Variants in DCHS2 observed in about 807,000 individuals in gnomAD.
DCHS2 encodes protocadherin-23.
DCHS2 carries 142 observed loss-of-function variants against 182.4 expected under a neutral mutation model. That is an observed-to-expected ratio of 0.78 (90% CI 0.68 to 0.89). The LOEUF is 0.89. Ranked by LOEUF, DCHS2 falls within the 40% of genes least tolerant of loss-of-function variation. The pLI, the probability that DCHS2 is intolerant of heterozygous loss-of-function variation, is 0.00. For missense variants in DCHS2, 4,319 were observed against 4,198.6 expected (o/e 1.03, Z -0.79); for synonymous variants, 1,740 against 1,663.3 (o/e 1.05, Z -1.12).
intron 13 of DCHS2, among the ~76,000 whole-genome samples, chr4:154,291,456 A>G (rs1489570691): frequency 6.6e-6 from 1 of 152,190 alleles, no homozygotes; most frequent in African/African-American, 2.4e-5. Context: ...TATATACTTA[A>G]AAGAGAGAAA....
intron 1 of DCHS2, among the ~76,000 whole-genome samples, chr4:154,379,274 G>A (rs1348022612): frequency 6.6e-6 from 1 of 152,192 alleles, no homozygotes; most frequent in Non-Finnish European, 1.5e-5. Flanking sequence ...GATGGAAGAG[G>A]CATTCTGGCT....
intron 1 of DCHS2, among the ~76,000 whole-genome samples, chr4:154,464,656 T>C (rs1313650112): frequency 6.6e-6 from 1 of 152,144 alleles, no homozygotes; most frequent in Non-Finnish European, 1.5e-5. Context: ...TCTAGGTAAA[T>C]ACAAATTTGA....
chr4:154,481,809 CAG>C lies in DCHS2; in HGVS notation c.2052+7493_2052+7494del, dbSNP rs932647106. 4.0e-4 allele frequency among the ~76,000 whole-genome samples: 61 copies of C among 152,304 alleles called. 1 individual carries two copies. Among genetic ancestry groups the C allele is most frequent in the African/African-American group, 1.3e-3 (56 of 41,564 alleles). On this transcript the variant is annotated intron_variant, in intron 1 of 19. Transcript: ENST00000357232. ...TACTTGAGGTTAAGCTATTAAGTAACAGAGCTGAAATTTAAACTTGGGTATGT... is the reference window on the plus strand; with the variant it reads ...TACTTGAGGTTAAGCTATTAAGTAACAGCTGAAATTTAAACTTGGGTATGT...
At chr4:154,362,805 G>C (rs965962007) in intron 3 of DCHS2, among the ~76,000 whole-genome samples, 1 of 152,012 alleles carries the variant, frequency 6.6e-6, no homozygotes, top group East Asian at 1.9e-4. Flanking sequence ...TTTACTTAAT[G>C]AATAGTAAAT....
chr4:154,240,573 A>G lies in DCHS2; in HGVS notation c.7323T>C (p.Asn2441=). Residue 2441 remains asparagine (N), a synonymous_variant, in exon 18 of 20, where the codon AAT becomes AAC. Coordinates refer to ENST00000357232, the MANE Select transcript of DCHS2 (RefSeq NM_001358235.2). The part of the protein sequence containing the change: ...GALVVRVLDV[N]DNPPVFSQDF... ...CTTGAGAAAACACTGGTGGATTATC[A>G]TTGACATCCAGCACACGGACTACAA... 1 of 1,613,810 alleles carries G rather than the reference A, an allele frequency of 6.2e-7. No homozygotes were observed. The highest frequency in any genetic ancestry group is 2.2e-5 in the East Asian group (1 of 44,820).
intron 1 of DCHS2, among the ~76,000 whole-genome samples, chr4:154,453,584 A>C (rs570142268): frequency 6.6e-6 from 1 of 152,252 alleles, no homozygotes; most frequent in Admixed American, 6.5e-5. Flanking sequence ...TCTGCTGGGC[A>C]GTCTTTGCTG....
rs777892302 is a variant in DCHS2 at position 154,320,466 on chromosome 4, C to A, written c.4933G>T (p.Asp1645Tyr). 2.5e-6 allele frequency: 4 copies of A among 1,613,974 alleles called. No individual in the cohort carries two copies. In the African/African-American group the frequency reaches 5.3e-5, roughly 22 times the overall value. ...TTTCCATTCCTTCCTTCGTCTGGATCGTGAGCAGTTATGTGGTGGACCAAG... is the reference window on the plus strand; with the variant it reads ...TTTCCATTCCTTCCTTCGTCTGGATAGTGAGCAGTTATGTGGTGGACCAAG... ...GSLVHHITAH[D>Y]PDEGRNGKVT... The change falls in exon 9 of 20, where the codon GAT (aspartate) becomes TAT (tyrosine). Residue 1645 changes from aspartate to tyrosine, a missense_variant. Asp to Tyr is a radical substitution (Grantham distance 160). Coordinates refer to ENST00000357232, the MANE Select transcript of DCHS2 (RefSeq NM_001358235.2).
rs186221604 is a variant in DCHS2 at position 154,275,884 on chromosome 4, T to C, written c.6464-5871A>G. The stretch of plus-strand genomic sequence containing the variant: ...CATGGCCTCTCTCATAAAGGAACAA[T>C]CCTATTTTTGTTGCAAATCAAATTT... On this transcript the variant is annotated intron_variant, in intron 13 of 19. Coordinates refer to ENST00000357232, the MANE Select transcript of DCHS2 (RefSeq NM_001358235.2). Among the ~76,000 whole-genome samples the C allele has an allele frequency of 1.7e-4, 26 of 152,210 alleles. No homozygotes were observed. The East Asian group carries it at 4.8e-3, about 28-fold the overall frequency.
chr4:154,346,803 T>C (rs933520360), intron 3 of DCHS2, among the ~76,000 whole-genome samples: 7 of 151,920 alleles, frequency 4.6e-5, no homozygotes, highest in Non-Finnish European at 1.5e-5. Flanking sequence ...TATTTAACTG[T>C]ACTCATTTGC....
At position 154,304,827 on chromosome 4, in the gene DCHS2, A is replaced by C. The variant is rs1257888273; in HGVS notation, c.5447T>G (p.Leu1816Arg). 13 of 1,613,870 alleles carry C rather than the reference A, an allele frequency of 8.1e-6. No individual in the cohort carries two copies. The highest frequency in any genetic ancestry group is 1.1e-5 in the Non-Finnish European group (13 of 1,179,908). The change falls in exon 12 of 20, where the codon CTC becomes CGC. Residue 1816 changes from leucine to arginine, a missense_variant. Transcript: ENST00000357232. ...FPSLSSTTTI[L>R]CTVEDENDHA... Reference sequence around the variant, plus strand: ...ATCGTTTTCATCTTCAACAGTGCAGAGGATTGTTGTGGTGCTGGACAATGA... The same window carrying C: ...ATCGTTTTCATCTTCAACAGTGCAGCGGATTGTTGTGGTGCTGGACAATGA...
rs555908656 is a variant in DCHS2, at chr4:154,491,373, G to C, written c.-18C>G. 1 of 1,494,006 alleles carries C rather than the reference G, an allele frequency of 6.7e-7. No homozygotes were observed. The highest frequency in any genetic ancestry group is 1.4e-5 in the African/African-American group (1 of 71,504). The allele number at this position is 1,494,006 out of a possible 1,614,324, so 92.5% of individuals were successfully genotyped here. A position where few individuals can be genotyped will look rare whatever the true frequency, so the allele number is the denominator to read the frequency against. On this transcript the variant is annotated 5_prime_UTR_variant, in exon 1 of 20. Transcript: ENST00000357232. ...GGGCTCATTTCTCCTCCAGCTCCTT[G>C]GGAAGGCTCTCGGGTAACTGCCAGC...
chr4:154,467,087 A>G lies in DCHS2; in HGVS notation c.2052+22217T>C, dbSNP rs7678320. 1.4e-3 allele frequency among the ~76,000 whole-genome samples: 206 copies of G among 152,350 alleles called. 1 individual carries two copies. Among genetic ancestry groups the G allele is most frequent in the African/African-American group, 4.8e-3 (201 of 41,586 alleles). On this transcript the variant is annotated intron_variant, in intron 1 of 19. Coordinates refer to ENST00000357232, the MANE Select transcript of DCHS2 (RefSeq NM_001358235.2). ...TAATTTGAAGAAAATCCACAGGAAG[A>G]GATAGTTCCAATTACATCCAGAGAT...
Position 154,294,074 on chromosome 4 carries a change from A to C in DCHS2, c.6463+3777T>G, listed in dbSNP as rs532438259. ...TTTGGGGAATACCCACTAGGAGCAA[A>C]TATCCTCTAGCTCTGCTATCCACAG... On this transcript the variant is annotated intron_variant, in intron 13 of 19. Coordinates refer to ENST00000357232, the MANE Select transcript of DCHS2 (RefSeq NM_001358235.2). Among the ~76,000 whole-genome samples the C allele has an allele frequency of 2.6e-4, 40 of 152,260 alleles. 1 individual carries two copies. The South Asian group carries it at 8.1e-3, about 31-fold the overall frequency.
chr4:154,285,454 C>G (rs1023954379), intron 13 of DCHS2, among the ~76,000 whole-genome samples: 4 of 152,150 alleles, frequency 2.6e-5, no homozygotes, highest in Admixed American at 6.5e-5. Flanking sequence ...CGGGCCTTGG[C>G]TCTTGGACAG....
In DCHS2 at chr4:154,320,905, G is replaced by A. The variant is rs758166980; in HGVS notation, c.4494C>T (p.Ile1498=). The A allele has an allele frequency of 1.9e-5, 31 of 1,613,842 alleles. No homozygotes were observed. The highest frequency in any genetic ancestry group is 5.0e-5 in the Admixed American group (3 of 59,960). Residue 1498 remains isoleucine (I), a synonymous_variant, in exon 9 of 20, where the codon ATC becomes ATT. Transcript: ENST00000357232. ...LSLSSTVFLS[I]DVEDQNDHSP... ...AATGGTCATTCTGATCTTCCACATC[G>A]ATACTAAGGAAGACTGTGCTACTCA...
rs1455830139 is a variant in DCHS2, at chr4:154,247,538, AG to A, written c.6942-4767del. ...GTGCCTGTAGTCCCAGCTACTTGAG[AG>A]GCTGAGGCAGGAAAGTCGCTTGAAC... On this transcript the variant is annotated intron_variant, in intron 16 of 19. Transcript: ENST00000357232. 3.3e-5 allele frequency among the ~76,000 whole-genome samples: 5 copies of A among 150,844 alleles called. 1 individual carries two copies. Among genetic ancestry groups the A allele is most frequent in the Non-Finnish European group, 5.9e-5 (4 of 67,852 alleles).
chr4:154,279,045 C>T (rs1044174070), intron 13 of DCHS2, among the ~76,000 whole-genome samples: 2 of 152,088 alleles, frequency 1.3e-5, no homozygotes, highest in Non-Finnish European at 2.9e-5. Context: ...AATATAACTA[C>T]TAACTAGGTT....
chr4:154,357,227 C>T (rs1187004933), intron 3 of DCHS2: 2 of 1,606,174 alleles, frequency 1.2e-6, no homozygotes, highest in African/African-American at 1.3e-5. Flanking sequence ...ACTTGAAGTG[C>T]CTTAGCAGAG....
intron 3 of DCHS2, among the ~76,000 whole-genome samples, chr4:154,343,275 G>T (rs559358183): frequency 5.6e-4 from 85 of 152,250 alleles, no homozygotes; most frequent in Admixed American, 1.6e-3. Context: ...AGGACTTTCA[G>T]AATGATAAAT....
Sources: allele counts gnomAD v4.1 joint callset (sites outside exome capture counted in the v4.1 genomes callset), GRCh38; gene constraint gnomAD v4.1.1; transcripts MANE v1.5; gene names NCBI Gene and HGNC (gene_info 2026-07-23, HGNC 2026-07-21).